The following OLFM3 variants were observed in gnomAD, a reference collection of about 807,000 sequenced individuals.
The protein encoded by OLFM3 is olfactomedin 3.
Under a neutral mutation model 48.6 loss-of-function variants are expected in OLFM3, and 20 were observed. The ratio of observed to expected loss-of-function variants is 0.41; its 90% CI spans 0.29 to 0.60. OLFM3 has a LOEUF of 0.60. Among genes scored for constraint, OLFM3 ranks in the 20% least tolerant of loss-of-function variants. The pLI is 0.28. For synonymous variants in OLFM3, 222 were observed against 198.1 expected (o/e 1.12, Z -1.01); for missense variants, 437 against 544.3 (o/e 0.80, Z 1.96).
chr1:101,956,462 G>A (rs1473205396), intron 1 of OLFM3, among the ~76,000 whole-genome samples: 1 of 151,636 alleles, frequency 6.6e-6, no homozygotes, highest in East Asian at 1.9e-4. Context: ...TTTTCTTGCT[G>A]GTAATACTCC....
chr1:101,978,237 G>T (rs996780323), intron 1 of OLFM3, among the ~76,000 whole-genome samples: 19 of 152,142 alleles, frequency 1.2e-4, no homozygotes, highest in Non-Finnish European at 2.4e-4. Context: ...GAGACAAGTT[G>T]TTTATTGCAA....
At chr1:101,811,949 A>G (rs1654074228) in intron 4 of OLFM3, among the ~76,000 whole-genome samples, 1 of 152,234 alleles carries the variant, frequency 6.6e-6, no homozygotes, top group African/African-American at 2.4e-5. Context: ...ATGTCCAACA[A>G]TGATAGACTG....
chr1:101,982,655 C>A (rs1661134734), intron 1 of OLFM3, among the ~76,000 whole-genome samples: 1 of 152,152 alleles, frequency 6.6e-6, no homozygotes, highest in African/African-American at 2.4e-5. Flanking sequence ...CTGCATAGAA[C>A]AATAAGCCTG....
chr1:101,978,136 C>A (rs2339204), intron 1 of OLFM3, among the ~76,000 whole-genome samples: 121,612 of 151,998 alleles, frequency 0.8, 48,878 homozygotes, highest in East Asian at 0.96. Context: ...TATGTGATTT[C>A]ATGTTTATGT....
At chr1:101,896,949 C>G (rs76470651) in intron 1 of OLFM3, among the ~76,000 whole-genome samples, 4,701 of 152,090 alleles carry the variant, frequency 0.031, 96 homozygotes, top group African/African-American at 0.038. Flanking sequence ...CAAAATGATC[C>G]AGAACACGAG....
intron 1 of OLFM3, among the ~76,000 whole-genome samples, chr1:101,995,294 A>G (rs968812080): frequency 6.6e-6 from 1 of 152,142 alleles, no homozygotes; most frequent in East Asian, 1.9e-4. Context: ...TATCATATAA[A>G]AAGAGTGGCA....
chr1:101,910,931 A>AT (rs997308697), intron 1 of OLFM3, among the ~76,000 whole-genome samples: 54 of 151,550 alleles, frequency 3.6e-4, no homozygotes, highest in South Asian at 1.0e-3. Flanking sequence ...GGGAAACTGC[A>AT]TTTTTTTTTA....
At chr1:101,909,684 A>G (rs1658682177) in intron 1 of OLFM3, among the ~76,000 whole-genome samples, 1 of 152,242 alleles carries the variant, frequency 6.6e-6, no homozygotes, top group East Asian at 1.9e-4. Context: ...TTATTATTCC[A>G]TTATAATTAC....
At chr1:101,931,953 G>A (rs952836319) in intron 1 of OLFM3, among the ~76,000 whole-genome samples, 4 of 152,124 alleles carry the variant, frequency 2.6e-5, no homozygotes, top group Non-Finnish European at 5.9e-5. Flanking sequence ...TCAACTAAAG[G>A]TGACCTACAA....
At chr1:101,938,656 T>TG (rs1659695116) in intron 1 of OLFM3, among the ~76,000 whole-genome samples, 2 of 152,232 alleles carry the variant, frequency 1.3e-5, no homozygotes, top group Non-Finnish European at 2.9e-5. Flanking sequence ...TAAAAGTTAT[T>TG]GGGGTTCCTG....
intron 1 of OLFM3, among the ~76,000 whole-genome samples, chr1:101,857,659 T>C (rs1372623609): frequency 2.6e-5 from 4 of 151,796 alleles, no homozygotes; most frequent in Non-Finnish European, 5.9e-5. Flanking sequence ...TTCATCTGTC[T>C]TTCCTTCTTT....
intron 4 of OLFM3, among the ~76,000 whole-genome samples, chr1:101,811,792 T>A (rs1296908562): frequency 1.3e-5 from 2 of 152,104 alleles, no homozygotes; most frequent in Non-Finnish European, 2.9e-5. Context: ...TCCTCAGGGA[T>A]CTAGAACTAG....
At chr1:101,990,431 A>T (rs528538383) in intron 1 of OLFM3, among the ~76,000 whole-genome samples, 1 of 152,310 alleles carries the variant, frequency 6.6e-6, no homozygotes, top group East Asian at 1.9e-4. Context: ...GAATATTTGC[A>T]CTAAATTTTA....
At chr1:101,924,874 G>A (rs1345378518) in intron 1 of OLFM3, among the ~76,000 whole-genome samples, 1 of 152,160 alleles carries the variant, frequency 6.6e-6, no homozygotes, top group Non-Finnish European at 1.5e-5. Context: ...GTAGTAAGAA[G>A]CTGAAAATTC....
chr1:101,804,991 G>A lies in OLFM3; in HGVS notation c.700-76C>T. 2 of 1,107,258 alleles carry A rather than the reference G, an allele frequency of 1.8e-6. No individual in the cohort carries two copies. The highest frequency in any genetic ancestry group is 2.6e-6 in the Non-Finnish European group (2 of 780,486). 68.6% of individuals were successfully genotyped at this position (1,107,258 alleles called of 1,614,324 possible). A position where few individuals can be genotyped will look rare whatever the true frequency, so the allele number is the denominator to read the frequency against. On this transcript the variant is annotated intron_variant, in intron 5 of 5. Transcript: ENST00000370103. This position sits in a 1 kb window ranked among gnomAD's most constrained non-coding sequence, Gnocchi z 4.5. ...GATAACCCCAAAAGAAAGACAGTGAGAGTCAACACTTATTATAATTCTCAG... is the reference window on the plus strand; with the variant it reads ...GATAACCCCAAAAGAAAGACAGTGAAAGTCAACACTTATTATAATTCTCAG...
intron 1 of OLFM3, among the ~76,000 whole-genome samples, chr1:101,978,494 A>G (rs1366213376): frequency 6.6e-6 from 1 of 152,204 alleles, no homozygotes; most frequent in Non-Finnish European, 1.5e-5. Context: ...GTTTAAGACA[A>G]CAGCTCAAAT....
At chr1:101,893,806 A>G (rs17432141) in intron 1 of OLFM3, 24,516 of 152,698 alleles carry the variant, frequency 0.16, 2,488 homozygotes, top group Middle Eastern at 0.24. Context: ...ATTTAAGGTA[A>G]ACTTTCTTGA....
At chr1:101,832,411 T>C (rs1655204802) in intron 2 of OLFM3, among the ~76,000 whole-genome samples, 1 of 152,246 alleles carries the variant, frequency 6.6e-6, no homozygotes, top group East Asian at 1.9e-4. Flanking sequence ...ATGAATACTG[T>C]CTTGGCCTGC....
intron 1 of OLFM3, among the ~76,000 whole-genome samples, chr1:101,956,069 A>G (rs1395744049): frequency 6.9e-6 from 1 of 144,452 alleles, no homozygotes; most frequent in Non-Finnish European, 1.5e-5. Flanking sequence ...TCATATCTCA[A>G]TTCAACACAA....
Sources: allele counts gnomAD v4.1 joint callset (sites outside exome capture counted in the v4.1 genomes callset), GRCh38; gene constraint gnomAD v4.1.1; non-coding constraint Gnocchi (gnomAD v3.1); transcripts MANE v1.5; gene names NCBI Gene and HGNC (gene_info 2026-07-23, HGNC 2026-07-21).